LRP1B: variants seen among roughly 807,000 people sequenced by gnomAD.
LRP1B encodes the protein low-density lipoprotein receptor-related protein 1B.
A neutral mutation model predicts 556.6 loss-of-function variants in LRP1B; 217 were observed. The observed-to-expected ratio is 0.39, with a 90% CI of 0.35 to 0.44. The LOEUF is 0.44. Ranked by LOEUF, LRP1B falls within the 20% of genes least tolerant of loss-of-function variation. The probability of loss-of-function intolerance (pLI) is 1.00; values close to 1 mark genes in which losing one functional copy is unlikely to be tolerated. For synonymous variants in LRP1B, 2,047 were observed against 1,865.8 expected, an observed-to-expected ratio of 1.10 and a Z score of -2.50; for missense variants, 5,053 against 5,620.8, an observed-to-expected ratio of 0.90 and a Z score of 3.23.
intron 25 of LRP1B, among the ~76,000 whole-genome samples, chr2:140,882,071 AT>A (rs1439145952): frequency 2.6e-5 from 4 of 152,162 alleles, no homozygotes; most frequent in Non-Finnish European, 4.4e-5. Context: ...TTTTGGAATT[AT>A]TCATGTTTTT....
In LRP1B at chr2:140,457,445, C is replaced by A. The variant is rs199615695; in HGVS notation, c.9814+18G>T. The A allele has an allele frequency of 1.1e-5, 17 of 1,556,306 alleles. No homozygotes were observed. The East Asian group carries it at 3.2e-4, about 29-fold the overall frequency. ...AAGATGTTAATGCATTTATGGAAATCATGGAAAGAATAATTACCATCAGGT... is the reference window on the plus strand; with the variant it reads ...AAGATGTTAATGCATTTATGGAAATAATGGAAAGAATAATTACCATCAGGT... On this transcript the variant is annotated intron_variant, in intron 61 of 90. Coordinates refer to ENST00000389484, the MANE Select transcript of LRP1B (RefSeq NM_018557.3).
intron 2 of LRP1B, among the ~76,000 whole-genome samples, chr2:141,672,876 T>G (rs1415619704): frequency 6.6e-6 from 1 of 152,188 alleles, no homozygotes; most frequent in African/African-American, 2.4e-5. Flanking sequence ...GTGTTCATCA[T>G]GAAGGTTTCC....
chr2:142,093,192 G>A lies in LRP1B; in HGVS notation c.82+37456C>T, dbSNP rs564066243. The stretch of plus-strand genomic sequence containing the variant: ...CTACAGTAATTAAAACTAACATTGT[G>A]TAGAATTATATTATCCATTTTAACT... On this transcript the variant is annotated intron_variant, in intron 1 of 90. Coordinates refer to ENST00000389484, the MANE Select transcript of LRP1B (RefSeq NM_018557.3). 8.1e-4 allele frequency among the ~76,000 whole-genome samples: 123 copies of A among 152,206 alleles called. 1 individual carries two copies. In the South Asian group the frequency reaches 0.024, roughly 30 times the overall value.
chr2:140,355,631 G>C (rs1682174279), intron 75 of LRP1B, among the ~76,000 whole-genome samples: 1 of 151,862 alleles, frequency 6.6e-6, no homozygotes, highest in Non-Finnish European at 1.5e-5. Context: ...CTTGAATTTA[G>C]CCTGGATAAG....
chr2:142,074,206 TC>T (rs1705420892), intron 1 of LRP1B, among the ~76,000 whole-genome samples: 2 of 152,152 alleles, frequency 1.3e-5, no homozygotes, highest in Admixed American at 6.5e-5. Context: ...GAAGTCTCTC[TC>T]CCCAAAGCCC....
chr2:142,119,640 A>T (rs1220889287), intron 1 of LRP1B, among the ~76,000 whole-genome samples: 3 of 152,168 alleles, frequency 2.0e-5, no homozygotes, highest in Non-Finnish European at 4.4e-5. Context: ...TAACAGTAAC[A>T]ATATTTCCTT....
At chr2:142,053,134 T>G (rs1704527346) in intron 1 of LRP1B, among the ~76,000 whole-genome samples, 1 of 152,152 alleles carries the variant, frequency 6.6e-6, no homozygotes, top group South Asian at 2.1e-4. Context: ...GTTATGTTGG[T>G]TGCAATCTCT....
At chr2:140,639,181 G>A (rs1006064421) in intron 41 of LRP1B, among the ~76,000 whole-genome samples, 1 of 152,030 alleles carries the variant, frequency 6.6e-6, no homozygotes, top group Non-Finnish European at 1.5e-5. Context: ...CAATATCAAC[G>A]TTGTGATAAT....
intron 3 of LRP1B, among the ~76,000 whole-genome samples, chr2:141,353,154 T>C (rs1433264313): frequency 6.6e-6 from 1 of 151,946 alleles, no homozygotes; most frequent in African/African-American, 2.4e-5. Flanking sequence ...CCAACATCCC[T>C]TGTAATCAGG....
At chr2:141,648,375 A>G (rs1005677887) in intron 2 of LRP1B, among the ~76,000 whole-genome samples, 19 of 152,148 alleles carry the variant, frequency 1.2e-4, no homozygotes, top group African/African-American at 4.6e-4. Flanking sequence ...CTTCATTCCC[A>G]TCTCTCTACC....
intron 2 of LRP1B, among the ~76,000 whole-genome samples, chr2:141,716,605 A>G (rs1197572408): frequency 6.6e-6 from 1 of 152,162 alleles, no homozygotes; most frequent in Non-Finnish European, 1.5e-5. Flanking sequence ...TGATCAGCTC[A>G]CCAAACATGC....
chr2:141,894,645 ATCT>A (rs1699388020), intron 1 of LRP1B, among the ~76,000 whole-genome samples: 1 of 1,518 alleles, frequency 6.6e-4, no homozygotes, highest in African/African-American at 1.6e-3. Flanking sequence ...TTAGATCTAG[ATCT>A]AGATCTAGAT....
At chr2:141,608,469 A>G (rs1165449829) in intron 2 of LRP1B, among the ~76,000 whole-genome samples, 1 of 152,188 alleles carries the variant, frequency 6.6e-6, no homozygotes, top group Non-Finnish European at 1.5e-5. Flanking sequence ...CGGTGAGCAG[A>G]GTATTGAGAG....
chr2:141,199,335 G>C (rs1017370641), intron 6 of LRP1B, among the ~76,000 whole-genome samples: 4 of 152,136 alleles, frequency 2.6e-5, no homozygotes, highest in African/African-American at 4.8e-5. Flanking sequence ...CTGAGGCTCA[G>C]TGGGCTTTTA....
chr2:141,909,441 T>TA (rs1348780598), intron 1 of LRP1B, among the ~76,000 whole-genome samples: 5 of 150,604 alleles, frequency 3.3e-5, no homozygotes, highest in Non-Finnish European at 7.4e-5. Flanking sequence ...CTAATTTACC[T>TA]AAAACTACCA....
intron 32 of LRP1B, among the ~76,000 whole-genome samples, chr2:140,782,219 T>A (rs937823018): frequency 1.3e-5 from 2 of 152,204 alleles, no homozygotes; most frequent in African/African-American, 4.8e-5. Context: ...ACTTCATGGT[T>A]AGGGGCTAAA....
At chr2:140,523,770 C>T (rs1011942731) in intron 49 of LRP1B, among the ~76,000 whole-genome samples, 18 of 151,734 alleles carry the variant, frequency 1.2e-4, no homozygotes, top group South Asian at 2.1e-4. Context: ...ACTTACCATA[C>T]GCAAAAGAAC....
rs139002237 is a variant in LRP1B at position 141,194,694 on chromosome 2, G to A, written c.851-6111C>T. Reference sequence around the variant, plus strand: ...ACTGTATATCATTCGGTTCAGCCTAGCCCTCTAATTAAACATGTTTTTGAA... The same window carrying A: ...ACTGTATATCATTCGGTTCAGCCTAACCCTCTAATTAAACATGTTTTTGAA... On this transcript the variant is annotated intron_variant, in intron 6 of 90. Transcript: ENST00000389484. 1.8e-4 allele frequency among the ~76,000 whole-genome samples: 28 copies of A among 152,146 alleles called. 1 individual carries two copies. In the East Asian group the frequency reaches 5.4e-3, roughly 30 times the overall value.
chr2:140,824,895 T>C (rs1001238346), intron 31 of LRP1B, among the ~76,000 whole-genome samples: 1 of 152,142 alleles, frequency 6.6e-6, no homozygotes, highest in Non-Finnish European at 1.5e-5. Context: ...CAGGAAACAG[T>C]ATTCACTCAA....
Sources: gnomAD v4.1 joint callset for allele counts (sites outside exome capture counted in the v4.1 genomes callset) on GRCh38, gnomAD v4.1.1 for gene constraint, MANE v1.5 for transcripts, NCBI Gene and HGNC (gene_info 2026-07-23, HGNC 2026-07-21) for gene names.